Variants in OR2B6 observed in about 807,000 individuals in gnomAD.
OR2B6 encodes olfactory receptor 2B6.
For missense variants in OR2B6, 350 were observed against 368.9 expected, an observed-to-expected ratio of 0.95 and a Z score of 0.42; for synonymous variants, 130 against 142.7, an observed-to-expected ratio of 0.91 and a Z score of 0.63.
chr6:27,958,077 A>G lies in OR2B6; in HGVS notation c.837A>G (p.Gly279=). 6.2e-7 allele frequency: 1 copy of G among 1,614,006 alleles called. No individual in the cohort carries two copies. Among genetic ancestry groups the G allele is most frequent in the South Asian group, 1.1e-5 (1 of 91,080 alleles). ...GAAAGATGGTTTCTCTCTTCTATGG[A>G]ATCATTGCACCCATGCTGAATCCCC... ...DQGKMVSLFY[G]IIAPMLNPLI... The change falls in exon 1 of 1, where the codon GGA becomes GGG. Residue 279 remains glycine, a synonymous_variant. Coordinates refer to ENST00000244623, the MANE Select transcript of OR2B6 (RefSeq NM_012367.1).
In OR2B6 at chr6:27,957,416, T is replaced by C. The variant is rs1407397699; in HGVS notation, c.176T>C (p.Met59Thr). ...CTGGACACCAAACTTCATACCCCCA[T>C]GTATTTTTTTCTTACCAATCTATCA... Reference protein sequence around the residue: ...SRLDTKLHTPMYFFLTNLSLL... With the variant: ...SRLDTKLHTPTYFFLTNLSLL... Residue 59 changes from methionine to threonine, a missense_variant, in exon 1 of 1, where the codon ATG becomes ACG. By Grantham distance (81) the Met-to-Thr change is moderately conservative. Coordinates refer to ENST00000244623, the MANE Select transcript of OR2B6 (RefSeq NM_012367.1). 1.9e-6 allele frequency: 3 copies of C among 1,614,028 alleles called. No individual in the cohort carries two copies. The highest frequency in any genetic ancestry group is 1.3e-5 in the African/African-American group (1 of 74,914).
At position 27,957,976 on chromosome 6, in the gene OR2B6, A is replaced by ATT; in HGVS notation, c.737_738dup (p.Val247LeufsTer40). On this transcript the variant is annotated frameshift_variant, in exon 1 of 1. Transcript: ENST00000244623. LOFTEE classifies it low-confidence loss of function (END_TRUNC). ...ATTTGGGACATGTGGTTCCCATCTAATTGTGGTGTCTCTTTTTTATAGTAC... is the reference window on the plus strand; with the variant it reads ...ATTTGGGACATGTGGTTCCCATCTAATTTTGTGGTGTCTCTTTTTTATAGTAC... 1 of 1,613,480 alleles carries ATT rather than the reference A, an allele frequency of 6.2e-7. No homozygotes were observed. Among genetic ancestry groups the ATT allele is most frequent in the Non-Finnish European group, 8.5e-7 (1 of 1,179,676 alleles).
In OR2B6 at chr6:27,957,672, G is replaced by A; in HGVS notation, c.432G>A (p.Leu144=). The change falls in exon 1 of 1, where the codon TTG becomes TTA. Residue 144 remains leucine, a synonymous_variant. Coordinates refer to ENST00000244623, the MANE Select transcript of OR2B6 (RefSeq NM_012367.1). ...TGCACCAGAGACTCTGCCTCCAGTTGGCAGCTGCATCCTGGGTTACTGGTT... is the reference window on the plus strand; with the variant it reads ...TGCACCAGAGACTCTGCCTCCAGTTAGCAGCTGCATCCTGGGTTACTGGTT... ...VIMHQRLCLQ[L]AAASWVTGFS... is the part of the protein sequence containing the mutation. 3.1e-6 allele frequency: 5 copies of A among 1,613,948 alleles called. No individual in the cohort carries two copies. Among genetic ancestry groups the A allele is most frequent in the Non-Finnish European group, 4.2e-6 (5 of 1,179,976 alleles).
At position 27,957,732 on chromosome 6, in the gene OR2B6, C is replaced by T; in HGVS notation, c.492C>T (p.Leu164=). 1 of 1,614,118 alleles carries T rather than the reference C, an allele frequency of 6.2e-7. No homozygotes were observed. The highest frequency in any genetic ancestry group is 8.5e-7 in the Non-Finnish European group (1 of 1,180,010). The change falls in exon 1 of 1, where the codon CTC becomes CTT. Residue 164 remains leucine (L), a synonymous_variant. Transcript: ENST00000244623. ...SNSVWLSTLT[L]QLPLCDPYVI... Reference sequence around the variant, plus strand: ...CAGTGTGGTTGTCTACCCTGACTCTCCAGCTGCCACTCTGTGACCCCTATG... The same window carrying T: ...CAGTGTGGTTGTCTACCCTGACTCTTCAGCTGCCACTCTGTGACCCCTATG...
rs1396038113 is a variant in OR2B6 at position 27,957,351 on chromosome 6, G to T, written c.111G>T (p.Val37=). The stretch of plus-strand genomic sequence containing the variant: ...TGGTCTTCTTGATTTCTTACACTGT[G>T]ACCATCTTTGGCAATCTGACCATTA... ...LLVVFLISYT[V]TIFGNLTIIL... is the part of the protein sequence containing the mutation. The change falls in exon 1 of 1, where the codon GTG becomes GTT. Residue 37 remains valine (V), a synonymous_variant. Transcript: ENST00000244623. 1.9e-6 allele frequency: 3 copies of T among 1,613,708 alleles called. No homozygotes were observed. Among genetic ancestry groups the T allele is most frequent in the Non-Finnish European group, 2.5e-6 (3 of 1,179,792 alleles).
At position 27,957,480 on chromosome 6, in the gene OR2B6, A is replaced by T. The variant is rs1278869196; in HGVS notation, c.240A>T (p.Gln80His). The T allele has an allele frequency of 2.1e-5, 34 of 1,613,976 alleles. No homozygotes were observed. The highest frequency in any genetic ancestry group is 2.8e-5 in the Non-Finnish European group (33 of 1,179,998). The change falls in exon 1 of 1, where the codon CAA becomes CAT. Residue 80 changes from glutamine to histidine, a missense_variant. Gln to His is a conservative substitution (Grantham distance 24). Coordinates refer to ENST00000244623, the MANE Select transcript of OR2B6 (RefSeq NM_012367.1). ...GTTACACCACATGTACAGTCCCACA[A>T]ATGCTAGTAAATTTATGCAGCATCA... The part of the protein sequence containing the change: ...DLCYTTCTVP[Q>H]MLVNLCSIRK...
At position 27,957,940 on chromosome 6, in the gene OR2B6, C is replaced by G; in HGVS notation, c.700C>G (p.Arg234Gly). The change falls in exon 1 of 1, where the codon CGA becomes GGA. Residue 234 changes from arginine to glycine, a missense_variant. By Grantham distance (125) the Arg-to-Gly change is moderately radical. Coordinates refer to ENST00000244623, the MANE Select transcript of OR2B6 (RefSeq NM_012367.1). ...ATTGAGGATACAGTCTGCTGAAGGT[C>G]GACAAAAAGCATTTGGGACATGTGG... ...AVLRIQSAEG[R>G]QKAFGTCGSH... is the part of the protein sequence containing the mutation. 6.2e-7 allele frequency: 1 copy of G among 1,613,698 alleles called. No individual in the cohort carries two copies. Among genetic ancestry groups the G allele is most frequent in the Non-Finnish European group, 8.5e-7 (1 of 1,179,868 alleles).
At position 27,957,905 on chromosome 6, in the gene OR2B6, T is replaced by C; in HGVS notation, c.665T>C (p.Val222Ala). The change falls in exon 1 of 1, where the codon GTC becomes GCC. Residue 222 changes from valine to alanine, a missense_variant. By Grantham distance (64) the Val-to-Ala change is moderately conservative (BLOSUM62 0). Transcript: ENST00000244623. ...ATCCTTATATCATATGCTTTTATTG[T>C]CCGAGCAGTATTGAGGATACAGTCT... ...TLILISYAFIVRAVLRIQSAE... is the reference protein window; with the variant it reads ...TLILISYAFIARAVLRIQSAE... 6.2e-7 allele frequency: 1 copy of C among 1,614,116 alleles called. No homozygotes were observed. Among genetic ancestry groups the C allele is most frequent in the Non-Finnish European group, 8.5e-7 (1 of 1,179,994 alleles).
chr6:27,958,026 A>T lies in OR2B6; in HGVS notation c.786A>T (p.Pro262=). ...YSTAVSVYLQ[P]PSPSSKDQGK... ...CAGCCGTCTCTGTGTACCTGCAACC[A>T]CCTTCGCCCAGCTCCAAGGACCAAG... Residue 262 remains proline (P), a synonymous_variant, in exon 1 of 1, where the codon CCA becomes CCT. Transcript: ENST00000244623. 6.2e-7 allele frequency: 1 copy of T among 1,613,828 alleles called. No individual in the cohort carries two copies. Among genetic ancestry groups the T allele is most frequent in the Non-Finnish European group, 8.5e-7 (1 of 1,179,912 alleles).
rs1181310073 is a variant in OR2B6, at chr6:27,958,182, A to G, written c.942A>G (p.Ter314=). ...CAAGAGTCTTCTTAATCAAGAAATA[A>G]GAAATATGCAAATGATAAGCTTTGC... The part of the protein sequence containing the change: ...LVARVFLIKK[*] Residue 314 remains the stop codon, a stop_retained_variant, in exon 1 of 1, where the codon TAA becomes TAG. Coordinates refer to ENST00000244623, the MANE Select transcript of OR2B6 (RefSeq NM_012367.1). 6.2e-7 allele frequency: 1 copy of G among 1,605,268 alleles called. No homozygotes were observed. The highest frequency in any genetic ancestry group is 8.5e-7 in the Non-Finnish European group (1 of 1,172,912).
rs769504574 is a variant in OR2B6, at chr6:27,957,981, G to A, written c.741G>A (p.Val247=). The A allele has an allele frequency of 1.2e-6, 2 of 1,613,374 alleles. No homozygotes were observed. The highest frequency in any genetic ancestry group is 2.7e-5 in the African/African-American group (2 of 74,832). Residue 247 remains valine, a synonymous_variant, in exon 1 of 1, where the codon GTG becomes GTA. Transcript: ENST00000244623. The stretch of plus-strand genomic sequence containing the variant: ...GGACATGTGGTTCCCATCTAATTGT[G>A]GTGTCTCTTTTTTATAGTACAGCCG... The part of the protein sequence containing the change: ...AFGTCGSHLI[V]VSLFYSTAVS...
chr6:27,957,774 C>T lies in OR2B6; in HGVS notation c.534C>T (p.Leu178=). 6.2e-7 allele frequency: 1 copy of T among 1,614,062 alleles called. No homozygotes were observed. Among genetic ancestry groups the T allele is most frequent in the Non-Finnish European group, 8.5e-7 (1 of 1,179,976 alleles). Residue 178 remains leucine, a synonymous_variant, in exon 1 of 1, where the codon CTC becomes CTT. Transcript: ENST00000244623. Reference sequence around the variant, plus strand: ...ACCCCTATGTGATAGATCACTTTCTCTGTGAAGTCCCTGCACTGCTCAAGT... The same window carrying T: ...ACCCCTATGTGATAGATCACTTTCTTTGTGAAGTCCCTGCACTGCTCAAGT... The part of the protein sequence containing the change: ...LCDPYVIDHF[L]CEVPALLKLS...
Position 27,957,881 on chromosome 6 carries a change from T to C in OR2B6, c.641T>C (p.Ile214Thr), listed in dbSNP as rs1762766198. 1.2e-6 allele frequency: 2 copies of C among 1,614,040 alleles called. No individual in the cohort carries two copies. The highest frequency in any genetic ancestry group is 2.2e-5 in the East Asian group (1 of 44,894). ...TTCCATCTAATACCCCTGACACTCA[T>C]CCTTATATCATATGCTTTTATTGTC... The part of the protein sequence containing the change: ...ELFHLIPLTL[I>T]LISYAFIVRA... Residue 214 changes from isoleucine (I) to threonine (T), a missense_variant, in exon 1 of 1, where the codon ATC (isoleucine) becomes ACC (threonine). Transcript: ENST00000244623.
Position 27,957,561 on chromosome 6 carries a change from G to A in OR2B6, c.321G>A (p.Leu107=), listed in dbSNP as rs758201381. The change falls in exon 1 of 1, where the codon TTG becomes TTA. Residue 107 remains leucine (L), a synonymous_variant. Transcript: ENST00000244623. ...CVAQLFIFLA[L]GATEYLLLAV... is the part of the protein sequence containing the mutation. ...CCCAGCTTTTCATATTTCTGGCCTT[G>A]GGGGCTACTGAATATCTTCTCCTGG... 44 of 1,613,896 alleles carry A rather than the reference G, an allele frequency of 2.7e-5. No homozygotes were observed. Among genetic ancestry groups the A allele is most frequent in the Admixed American group, 3.3e-5 (2 of 59,964 alleles).
At position 27,957,564 on chromosome 6, in the gene OR2B6, G is replaced by C; in HGVS notation, c.324G>C (p.Gly108=). 1 of 1,614,012 alleles carries C rather than the reference G, an allele frequency of 6.2e-7. No individual in the cohort carries two copies. The highest frequency in any genetic ancestry group is 8.5e-7 in the Non-Finnish European group (1 of 1,179,978). The change falls in exon 1 of 1, where the codon GGG becomes GGC. Residue 108 remains glycine, a synonymous_variant. Transcript: ENST00000244623. ...AGCTTTTCATATTTCTGGCCTTGGG[G>C]GCTACTGAATATCTTCTCCTGGCCG... ...VAQLFIFLAL[G]ATEYLLLAVM...
rs767584923 is a variant in OR2B6, at chr6:27,957,328, GTCT to G, written c.93_95del (p.Phe31del). 16 of 1,613,820 alleles carry G rather than the reference GTCT, an allele frequency of 9.9e-6. No homozygotes were observed. The highest frequency in any genetic ancestry group is 1.3e-5 in the African/African-American group (1 of 75,014). ...TTGGCTGGAGTTTCCACTCCTTGTG[GTCT>G]TCTTGATTTCTTACACTGTGACCAT... On this transcript the variant is annotated inframe_deletion, in exon 1 of 1. Coordinates refer to ENST00000244623, the MANE Select transcript of OR2B6 (RefSeq NM_012367.1).
In OR2B6 at chr6:27,957,304, T is replaced by C. The variant is rs1157270054; in HGVS notation, c.64T>C (p.Trp22Arg). 1 of 1,613,856 alleles carries C rather than the reference T, an allele frequency of 6.2e-7. No individual in the cohort carries two copies. The highest frequency in any genetic ancestry group is 2.2e-5 in the East Asian group (1 of 44,878). The change falls in exon 1 of 1, where the codon TGG becomes CGG. Residue 22 changes from tryptophan to arginine, a missense_variant. Physicochemically the swap from Trp to Arg is moderately radical, Grantham distance 101. Transcript: ENST00000244623. The stretch of plus-strand genomic sequence containing the variant: ...TCTGCTGGGTTTCTCAGATCGACCT[T>C]GGCTGGAGTTTCCACTCCTTGTGGT... ...FILLGFSDRPWLEFPLLVVFL... is the reference protein window; with the variant it reads ...FILLGFSDRPRLEFPLLVVFL...
At position 27,957,629 on chromosome 6, in the gene OR2B6, T is replaced by A; in HGVS notation, c.389T>A (p.Leu130His). ...AGGTTTGTAGCTATTTGTCGGCCTC[T>A]CCATTACTCAGTTATCATGCACCAG... ...FDRFVAICRP[L>H]HYSVIMHQRL... Residue 130 changes from leucine (L) to histidine (H), a missense_variant, in exon 1 of 1, where the codon CTC becomes CAC. Coordinates refer to ENST00000244623, the MANE Select transcript of OR2B6 (RefSeq NM_012367.1). The A allele has an allele frequency of 1.9e-6, 3 of 1,614,090 alleles. No individual in the cohort carries two copies. Among genetic ancestry groups the A allele is most frequent in the Non-Finnish European group, 2.5e-6 (3 of 1,179,980 alleles).
Position 27,957,839 on chromosome 6 carries a change from T to A in OR2B6, c.599T>A (p.Phe200Tyr). 5.0e-6 allele frequency: 8 copies of A among 1,614,152 alleles called. No individual in the cohort carries two copies. Among genetic ancestry groups the A allele is most frequent in the Non-Finnish European group, 5.9e-6 (7 of 1,179,984 alleles). ...VETTANEAEL[F>Y]LVSELFHLIP... is the part of the protein sequence containing the mutation. ...ACAACAGCAAATGAGGCTGAACTAT[T>A]CCTTGTCAGTGAGCTCTTCCATCTA... Residue 200 changes from phenylalanine to tyrosine, a missense_variant, in exon 1 of 1, where the codon TTC becomes TAC. Physicochemically the swap from Phe to Tyr is conservative, Grantham distance 22. Coordinates refer to ENST00000244623, the MANE Select transcript of OR2B6 (RefSeq NM_012367.1).
Sources: gnomAD v4.1 joint callset for allele counts on GRCh38, gnomAD v4.1.1 for gene constraint, MANE v1.5 for transcripts, NCBI Gene and HGNC (gene_info 2026-07-23, HGNC 2026-07-21) for gene names.